The following TAFA5 variants were observed in gnomAD, a reference collection of about 807,000 sequenced individuals.
TAFA5 encodes TAFA chemokine like family member 5, also known as chemokine-like protein TAFA-5.
Under a neutral mutation model 15.3 loss-of-function variants are expected in TAFA5, and 6 were observed. That is an observed-to-expected ratio of 0.39 (90% CI 0.21 to 0.77). The LOEUF is 0.77. Ranked by LOEUF, TAFA5 falls within the 30% of genes least tolerant of loss-of-function variation. The probability of loss-of-function intolerance (pLI) is 0.41; values close to 1 mark genes in which losing one functional copy is unlikely to be tolerated. For synonymous variants in TAFA5, 103 were observed against 80.7 expected (o/e 1.28, Z -1.48); for missense variants, 161 against 193.1 (o/e 0.83, Z 0.98).
chr22:48,632,376 T>C (rs1926263197), intron 1 of TAFA5, among the ~76,000 whole-genome samples: 1 of 152,148 alleles, frequency 6.6e-6, no homozygotes, highest in Admixed American at 6.5e-5. Flanking sequence ...GGCAGTCTTA[T>C]AGAGTAAGAA....
intron 1 of TAFA5, among the ~76,000 whole-genome samples, chr22:48,621,935 G>C (rs1925852284): frequency 6.6e-6 from 1 of 152,164 alleles, no homozygotes; most frequent in Non-Finnish European, 1.5e-5. Context: ...ACCCCTGCCT[G>C]TGTTTCTGTT....
chr22:48,710,070 T>A (rs1230089801), intron 3 of TAFA5, among the ~76,000 whole-genome samples: 1 of 152,104 alleles, frequency 6.6e-6, no homozygotes, highest in Non-Finnish European at 1.5e-5. Flanking sequence ...GGCATTTGCA[T>A]CCCCCTGGAG....
intron 3 of TAFA5, among the ~76,000 whole-genome samples, chr22:48,733,045 C>T (rs1929912450): frequency 6.6e-6 from 1 of 152,128 alleles, no homozygotes; most frequent in Admixed American, 6.5e-5. Context: ...CACTGGGAAA[C>T]CAAAAATTTG....
chr22:48,502,397 A>G (rs1159987236), intron 1 of TAFA5, among the ~76,000 whole-genome samples: 1 of 132,928 alleles, frequency 7.5e-6, no homozygotes, highest in Non-Finnish European at 1.5e-5. Flanking sequence ...TTGGTGCTGC[A>G]TTTCTGGGGG....
chr22:48,745,892 C>T (rs1363918471), intron 3 of TAFA5, among the ~76,000 whole-genome samples: 1 of 152,208 alleles, frequency 6.6e-6, no homozygotes, highest in Non-Finnish European at 1.5e-5. Flanking sequence ...CTTCACCACA[C>T]ACGCGTCAGA....
chr22:48,664,027 T>G (rs1927532544), intron 2 of TAFA5, among the ~76,000 whole-genome samples: 1 of 152,214 alleles, frequency 6.6e-6, no homozygotes, highest in African/African-American at 2.4e-5. Context: ...TAAAAAATCT[T>G]CTATCCATGA....
intron 1 of TAFA5, among the ~76,000 whole-genome samples, chr22:48,546,357 C>G (rs920063389): frequency 7.9e-5 from 12 of 152,180 alleles, no homozygotes; most frequent in Non-Finnish European, 1.2e-4. Context: ...ACTGCAAAGT[C>G]CTTGATTAAT....
chr22:48,578,337 C>T (rs1025976432), intron 1 of TAFA5, among the ~76,000 whole-genome samples: 4 of 152,200 alleles, frequency 2.6e-5, no homozygotes, highest in African/African-American at 4.8e-5. Flanking sequence ...CGCCCTGCGG[C>T]GCTGCCCCAG....
intron 1 of TAFA5, among the ~76,000 whole-genome samples, chr22:48,499,762 C>T (rs990191210): frequency 3.9e-5 from 6 of 152,232 alleles, no homozygotes; most frequent in African/African-American, 1.4e-4. Context: ...TTTCCTGTTT[C>T]CAGGGCCGTC....
intron 2 of TAFA5, among the ~76,000 whole-genome samples, chr22:48,679,659 G>A (rs1166009410): frequency 9.8e-6 from 1 of 102,022 alleles, no homozygotes; most frequent in Admixed American, 1.1e-4. Flanking sequence ...CGGGCTCCCC[G>A]TCCATCCCTC....
chr22:48,656,755 C>CTT (rs1223042941), intron 2 of TAFA5, among the ~76,000 whole-genome samples: 3 of 14,882 alleles, frequency 2.0e-4, no homozygotes, highest in Non-Finnish European at 5.6e-4. Flanking sequence ...GATGGAGTCT[C>CTT]TTTTTTTTTT....
At chr22:48,583,778 CATGCAAACATA>C (rs1924202354) in intron 1 of TAFA5, among the ~76,000 whole-genome samples, 7 of 42,600 alleles carry the variant, frequency 1.6e-4, no homozygotes, top group Non-Finnish European at 2.0e-4. Context: ...GAAAATATAC[CATGCAAACATA>C]CCACACAGCA....
intron 1 of TAFA5, among the ~76,000 whole-genome samples, chr22:48,594,903 G>A (rs1348846566): frequency 6.6e-6 from 1 of 150,504 alleles, no homozygotes; most frequent in Middle Eastern, 3.2e-3. Context: ...TTGGTGCTCA[G>A]AGTAGCCCTT....
intron 3 of TAFA5, among the ~76,000 whole-genome samples, chr22:48,708,105 G>T (rs1569088488): frequency 6.6e-6 from 1 of 152,172 alleles, no homozygotes; most frequent in Non-Finnish European, 1.5e-5. Context: ...CAGCCCAGAA[G>T]TCAGATCACT....
At chr22:48,557,179 C>A (rs1043657028) in intron 1 of TAFA5, among the ~76,000 whole-genome samples, 2 of 152,180 alleles carry the variant, frequency 1.3e-5, no homozygotes, top group African/African-American at 4.8e-5. Context: ...ACCCCAGCTC[C>A]TCAGAACATG....
Position 48,711,955 on chromosome 22 carries a change from G to A in TAFA5, c.390+4111G>A, listed in dbSNP as rs139420965. Among the ~76,000 whole-genome samples, 28 of 152,368 alleles carry A rather than the reference G, an allele frequency of 1.8e-4. No individual in the cohort carries two copies. In the South Asian group the frequency reaches 2.3e-3, roughly 12 times the overall value. ...CTGGGCCTAAGGGTGCTGCTGCCCCGTCCCCTTGCAATGCCTGCGCCTCTC... is the reference window on the plus strand; with the variant it reads ...CTGGGCCTAAGGGTGCTGCTGCCCCATCCCCTTGCAATGCCTGCGCCTCTC... On this transcript the variant is annotated intron_variant, in intron 3 of 3. Coordinates refer to ENST00000402357, the MANE Select transcript of TAFA5 (RefSeq NM_001082967.3).
intron 1 of TAFA5, among the ~76,000 whole-genome samples, chr22:48,621,766 C>A (rs752067624): frequency 6.6e-6 from 1 of 152,172 alleles, no homozygotes; most frequent in Non-Finnish European, 1.5e-5. Context: ...ATACATGTGA[C>A]TGGCCTCTCG....
At chr22:48,564,221 A>G (rs574094350) in intron 1 of TAFA5, among the ~76,000 whole-genome samples, 1 of 152,366 alleles carries the variant, frequency 6.6e-6, no homozygotes, top group East Asian at 1.9e-4. Flanking sequence ...CAGCGCCCGC[A>G]GCCTGAGGAT....
intron 2 of TAFA5, among the ~76,000 whole-genome samples, chr22:48,662,651 C>G (rs1002994312): frequency 2.6e-5 from 4 of 152,230 alleles, no homozygotes; most frequent in Non-Finnish European, 5.9e-5. Context: ...CTGGTGCGAG[C>G]TCACCGGAGC....
Sources: allele counts gnomAD v4.1 joint callset (sites outside exome capture counted in the v4.1 genomes callset), GRCh38; gene constraint gnomAD v4.1.1; transcripts MANE v1.5; gene names NCBI Gene and HGNC (gene_info 2026-07-23, HGNC 2026-07-21).